SNX29: variants seen among roughly 807,000 people sequenced by gnomAD.
SNX29 encodes the protein sorting nexin-29.
A neutral mutation model predicts 102.1 loss-of-function variants in SNX29; 78 were observed. The observed-to-expected ratio is 0.76, with a 90% CI of 0.64 to 0.92. The LOEUF (loss-of-function observed/expected upper bound fraction) is 0.92, where lower values mean the gene tolerates loss of function less well. Among genes scored for constraint, SNX29 ranks in the 40% least tolerant of loss-of-function variants. The probability of loss-of-function intolerance (pLI) is 0.00; values close to 1 mark genes in which losing one functional copy is unlikely to be tolerated. For synonymous variants in SNX29, 580 were observed against 414.5 expected, an observed-to-expected ratio of 1.40 and a Z score of -4.85; for missense variants, 1,280 against 1,061.7, an observed-to-expected ratio of 1.21 and a Z score of -2.86.
chr16:12,473,994 C>T (rs1251312699), intron 18 of SNX29, among the ~76,000 whole-genome samples: 1 of 152,214 alleles, frequency 6.6e-6, no homozygotes, highest in African/African-American at 2.4e-5. Flanking sequence ...AACTTGCTTT[C>T]ATTTTACTCT....
chr16:12,385,630 T>A (rs1489784483), intron 16 of SNX29, among the ~76,000 whole-genome samples: 4 of 152,170 alleles, frequency 2.6e-5, no homozygotes, highest in Non-Finnish European at 5.9e-5. Context: ...CCACCCTGTG[T>A]GCATCAGCTG....
rs149845903 is a variant in SNX29 at position 12,401,962 on chromosome 16, T to C, written c.1956-1486T>C. Among the ~76,000 whole-genome samples the C allele has an allele frequency of 1.6e-4, 25 of 152,356 alleles. No homozygotes were observed. In the East Asian group the frequency reaches 4.4e-3, roughly 27 times the overall value. On this transcript the variant is annotated intron_variant, in intron 17 of 20. Transcript: ENST00000566228. ...ACCTCGCTCTAACCCTGGGAGGTTG[T>C]CCACTCCTCACCAATCCAGAAAAGT...
intron 14 of SNX29, among the ~76,000 whole-genome samples, chr16:12,232,800 C>G (rs945819028): frequency 6.6e-6 from 1 of 152,200 alleles, no homozygotes; most frequent in Non-Finnish European, 1.5e-5. Flanking sequence ...AGATGACACA[C>G]AGAAGTCAGC....
At chr16:12,464,198 T>A (rs2086945847) in intron 18 of SNX29, among the ~76,000 whole-genome samples, 1 of 150,940 alleles carries the variant, frequency 6.6e-6, no homozygotes, top group Admixed American at 6.6e-5. Context: ...CAGAATTCCC[T>A]TCTTTTTTAT....
intron 14 of SNX29, among the ~76,000 whole-genome samples, chr16:12,215,492 C>G (rs2077299555): frequency 6.6e-6 from 1 of 152,080 alleles, no homozygotes; most frequent in Non-Finnish European, 1.5e-5. Flanking sequence ...GAGTAATACT[C>G]TATATCTACC....
intron 1 of SNX29, among the ~76,000 whole-genome samples, chr16:11,997,163 C>A (rs2056105764): frequency 6.6e-6 from 1 of 152,150 alleles, no homozygotes; most frequent in Non-Finnish European, 1.5e-5. Flanking sequence ...TTGATCTTTC[C>A]TTCCACTTTT....
At chr16:12,064,355 C>T (rs10500382) in intron 9 of SNX29, among the ~76,000 whole-genome samples, 1 of 152,030 alleles carries the variant, frequency 6.6e-6, no homozygotes, top group African/African-American at 2.4e-5. Flanking sequence ...GTCCAGGGAA[C>T]GTAGCTCCCC....
chr16:12,199,354 G>C (rs1342837012), intron 13 of SNX29, among the ~76,000 whole-genome samples: 1 of 152,178 alleles, frequency 6.6e-6, no homozygotes, highest in East Asian at 1.9e-4. Context: ...TGAATTTGTG[G>C]ACACTGGAAC....
intron 18 of SNX29, among the ~76,000 whole-genome samples, chr16:12,406,389 A>T (rs184909454): frequency 2.6e-5 from 4 of 152,224 alleles, no homozygotes; most frequent in African/African-American, 9.6e-5. Flanking sequence ...ATAAAAAAGG[A>T]TAGAGTAGAC....
intron 8 of SNX29, among the ~76,000 whole-genome samples, chr16:12,057,811 A>G (rs2050579906): frequency 8.7e-6 from 1 of 114,386 alleles, no homozygotes; most frequent in African/African-American, 3.7e-5. Context: ...ATATATATAT[A>G]TATTTTATAT....
chr16:12,110,674 A>G (rs368653880), intron 11 of SNX29, among the ~76,000 whole-genome samples: 43 of 152,244 alleles, frequency 2.8e-4, no homozygotes, highest in African/African-American at 9.4e-4. Context: ...GTCACTTCAC[A>G]CAATGCCTTG....
At chr16:12,256,588 A>G (rs1310011915) in intron 14 of SNX29, among the ~76,000 whole-genome samples, 2 of 152,076 alleles carry the variant, frequency 1.3e-5, no homozygotes, top group African/African-American at 4.8e-5. Flanking sequence ...TCGGCCCCCA[A>G]AGTGTTGGGA....
At chr16:12,197,853 CTTT>C (rs746331829) in intron 13 of SNX29, among the ~76,000 whole-genome samples, 107 of 143,448 alleles carry the variant, frequency 7.5e-4, no homozygotes, top group African/African-American at 2.7e-3. Context: ...GAGTTTGATC[CTTT>C]TTTTTTTTTT....
At chr16:12,082,800 T>C (rs2051972608) in intron 11 of SNX29, among the ~76,000 whole-genome samples, 1 of 152,138 alleles carries the variant, frequency 6.6e-6, no homozygotes. Context: ...TGCTGTTGTC[T>C]ACCCTGGATG....
At chr16:12,538,318 C>T (rs371863417) in intron 20 of SNX29, among the ~76,000 whole-genome samples, 3 of 152,138 alleles carry the variant, frequency 2.0e-5, no homozygotes, top group East Asian at 1.9e-4. Flanking sequence ...GAGGGGGTTT[C>T]ACCATGTTAG....
At chr16:11,986,519 A>G (rs1243450339) in intron 1 of SNX29, among the ~76,000 whole-genome samples, 2 of 152,202 alleles carry the variant, frequency 1.3e-5, no homozygotes, top group African/African-American at 2.4e-5. Context: ...AGCATACACT[A>G]TATATGCATT....
chr16:12,213,264 G>T (rs539818846), intron 14 of SNX29, among the ~76,000 whole-genome samples: 4 of 152,306 alleles, frequency 2.6e-5, no homozygotes, highest in African/African-American at 9.6e-5. Flanking sequence ...TAACTTAGAA[G>T]TGGGAGCCAA....
At chr16:12,197,520 G>A (rs1429662150) in intron 13 of SNX29, among the ~76,000 whole-genome samples, 2 of 152,160 alleles carry the variant, frequency 1.3e-5, no homozygotes, top group Admixed American at 6.5e-5. Flanking sequence ...GCAGTGAGCC[G>A]AGATCATGCT....
chr16:12,349,273 A>C (rs891001259), intron 15 of SNX29, among the ~76,000 whole-genome samples: 3 of 152,182 alleles, frequency 2.0e-5, no homozygotes, highest in Non-Finnish European at 4.4e-5. Context: ...TTCAGATTTC[A>C]CTGTCACTCC....
Sources: gnomAD v4.1 joint callset for allele counts (sites outside exome capture counted in the v4.1 genomes callset) on GRCh38, gnomAD v4.1.1 for gene constraint, MANE v1.5 for transcripts, NCBI Gene and HGNC (gene_info 2026-07-23, HGNC 2026-07-21) for gene names.